The following PAX5 variants were observed in gnomAD, a reference collection of about 807,000 sequenced individuals.
The protein encoded by PAX5 is paired box 5.
In PAX5, 9 loss-of-function variants were observed where a neutral mutation model predicts 43.7. The observed-to-expected ratio is 0.21, with a 90% CI of 0.12 to 0.36. The LOEUF (loss-of-function observed/expected upper bound fraction) is 0.36, where lower values mean the gene tolerates loss of function less well. PAX5 is among the 10% of genes least tolerant of loss of function. The pLI is 1.00. For missense variants in PAX5, 383 were observed against 532.7 expected (o/e 0.72, Z 2.77); for synonymous variants, 228 against 214.3 (o/e 1.06, Z -0.56).
chr9:36,969,755 G>T (rs1012517142), intron 5 of PAX5, among the ~76,000 whole-genome samples: 4 of 152,132 alleles, frequency 2.6e-5, no homozygotes, highest in African/African-American at 9.7e-5. Flanking sequence ...GGCCGAGGTG[G>T]GTGGACTGCC....
intron 7 of PAX5, among the ~76,000 whole-genome samples, chr9:36,908,462 T>C (rs1360168424): frequency 1.3e-5 from 2 of 152,128 alleles, no homozygotes; most frequent in Non-Finnish European, 2.9e-5. Flanking sequence ...GCCTCCCCCA[T>C]CAGACTGTGA....
At chr9:36,858,395 C>T (rs1200051998) in intron 8 of PAX5, among the ~76,000 whole-genome samples, 9 of 152,174 alleles carry the variant, frequency 5.9e-5, no homozygotes, top group African/African-American at 2.2e-4. Flanking sequence ...CTACCCATCC[C>T]TTCCAGGTTC....
intron 2 of PAX5, among the ~76,000 whole-genome samples, chr9:37,016,177 T>G (rs1839368312): frequency 6.6e-6 from 1 of 152,222 alleles, no homozygotes. Flanking sequence ...CCTCTTGAAC[T>G]ACAATTTCCC....
intron 1 of PAX5, among the ~76,000 whole-genome samples, chr9:37,028,163 G>A (rs1486769883): frequency 6.6e-6 from 1 of 152,210 alleles, no homozygotes; most frequent in Non-Finnish European, 1.5e-5. Context: ...AGCGCAGTAG[G>A]GATCCTGTAC....
At chr9:36,957,941 A>G (rs1833629675) in intron 6 of PAX5, among the ~76,000 whole-genome samples, 1 of 152,144 alleles carries the variant, frequency 6.6e-6, no homozygotes, top group South Asian at 2.1e-4. Context: ...TTTCCACCTA[A>G]GGAGGACATT....
intron 1 of PAX5, among the ~76,000 whole-genome samples, chr9:37,030,217 G>C (rs1037641006): frequency 6.6e-6 from 1 of 152,204 alleles, no homozygotes; most frequent in African/African-American, 2.4e-5. Flanking sequence ...GTTCTTGGGG[G>C]AAGGAGTTTC....
intron 6 of PAX5, among the ~76,000 whole-genome samples, chr9:36,930,364 C>T (rs1376244330): frequency 2.6e-5 from 4 of 151,836 alleles, no homozygotes; most frequent in Non-Finnish European, 2.9e-5. Context: ...GCTGGGACTA[C>T]AGGCACACGC....
chr9:37,023,228 C>T (rs760057257), intron 1 of PAX5, among the ~76,000 whole-genome samples: 6 of 152,026 alleles, frequency 3.9e-5, no homozygotes, highest in South Asian at 4.1e-4. Context: ...AAAAGAAAGA[C>T]GAAGGTGGCA....
rs998210562 is a variant in PAX5 at position 36,836,892 on chromosome 9, T to A, written c.*3668A>T. The A allele has an allele frequency of 8.6e-6, 2 of 232,492 alleles. No homozygotes were observed. Among genetic ancestry groups the A allele is most frequent in the Non-Finnish European group, 1.7e-5 (2 of 117,640 alleles). The allele number at this position is 232,492 out of a possible 1,614,324, so 14.4% of individuals were successfully genotyped here. ...TTATGGCATGGCCTTGAATTGACTCTGATACCCTCTGAACCTCAGGGACAG... is the reference window on the plus strand; with the variant it reads ...TTATGGCATGGCCTTGAATTGACTCAGATACCCTCTGAACCTCAGGGACAG... On this transcript the variant is annotated 3_prime_UTR_variant, in exon 10 of 10. Coordinates refer to ENST00000358127, the MANE Select transcript of PAX5 (RefSeq NM_016734.3).
chr9:36,985,026 G>A (rs1455010303), intron 5 of PAX5, among the ~76,000 whole-genome samples: 1 of 152,230 alleles, frequency 6.6e-6, no homozygotes, highest in Admixed American at 6.5e-5. Flanking sequence ...AGGATACTGA[G>A]GCTCAGAGAG....
intron 7 of PAX5, among the ~76,000 whole-genome samples, chr9:36,883,252 A>C (rs1224017299): frequency 1.3e-5 from 2 of 152,316 alleles, no homozygotes; most frequent in Non-Finnish European, 2.9e-5. Flanking sequence ...GCTGTTACAC[A>C]TGCTTTAAAA....
At chr9:36,932,415 G>A (rs4878670) in intron 6 of PAX5, among the ~76,000 whole-genome samples, 137,864 of 152,312 alleles carry the variant, frequency 0.91, 62,518 homozygotes, top group East Asian at 1. Flanking sequence ...AGTGAAAAGG[G>A]GTGGAGTGCT....
chr9:36,855,742 A>G (rs962881893), intron 8 of PAX5, among the ~76,000 whole-genome samples: 12 of 152,168 alleles, frequency 7.9e-5, no homozygotes, highest in Non-Finnish European at 1.6e-4. Flanking sequence ...TACCCGCCAC[A>G]AGCCATATTC....
At chr9:36,999,398 C>G (rs7030819) in intron 5 of PAX5, among the ~76,000 whole-genome samples, 151,725 of 152,344 alleles carry the variant, frequency 1, 75,557 homozygotes, top group East Asian at 1. Context: ...CCACTGCCCT[C>G]CTCATCAGAG....
At chr9:36,896,843 C>T (rs1827912026) in intron 7 of PAX5, among the ~76,000 whole-genome samples, 1 of 152,206 alleles carries the variant, frequency 6.6e-6, no homozygotes, top group Non-Finnish European at 1.5e-5. Flanking sequence ...ACAGGGAACT[C>T]CATGTGGGGA....
At chr9:36,916,625 C>T (rs1011113433) in intron 7 of PAX5, among the ~76,000 whole-genome samples, 1 of 151,894 alleles carries the variant, frequency 6.6e-6, no homozygotes, top group Non-Finnish European at 1.5e-5. Flanking sequence ...TAAGTTTATT[C>T]CCAGGTGAGA....
rs2297105 is a variant in PAX5 at position 37,020,625 on chromosome 9, A to C, written c.212+11T>G. 693,707 of 1,612,756 alleles carry C rather than the reference A, an allele frequency of 0.43. 154,372 individuals are homozygous for C. Among genetic ancestry groups the C allele is most frequent in the African/African-American group, 0.61 (45,990 of 74,864 alleles). On this transcript the variant is annotated intron_variant, in intron 2 of 9. Coordinates refer to ENST00000358127, the MANE Select transcript of PAX5 (RefSeq NM_016734.3). ...GAAAGATCAAGGGAAGCCTCGAGCT[A>C]CTGCCTTTACCTGCCAAGAATTTTG...
chr9:36,848,802 C>T (rs1179290045), intron 8 of PAX5, among the ~76,000 whole-genome samples: 1 of 152,198 alleles, frequency 6.6e-6, no homozygotes, highest in African/African-American at 2.4e-5. Context: ...TCCCAGATCT[C>T]CAGCCCCACA....
At position 37,015,456 on chromosome 9, in the gene PAX5, T is replaced by C. The variant is rs1839304493; in HGVS notation, c.213-262A>G. Among the ~76,000 whole-genome samples, 1 of 152,224 alleles carries C rather than the reference T, an allele frequency of 6.6e-6. No individual in the cohort carries two copies. The highest frequency in any genetic ancestry group is 6.5e-5 in the Admixed American group (1 of 15,280). On this transcript the variant is annotated intron_variant, in intron 2 of 9. Coordinates refer to ENST00000358127, the MANE Select transcript of PAX5 (RefSeq NM_016734.3). This position sits in a 1 kb window ranked among gnomAD's most constrained non-coding sequence, Gnocchi z 4.4. ...CTCAATAATTTTGATATTAGTTGTATGTTGAAATAACAATTTTTATATATT... is the reference window on the plus strand; with the variant it reads ...CTCAATAATTTTGATATTAGTTGTACGTTGAAATAACAATTTTTATATATT...
Sources: gnomAD v4.1 joint callset for allele counts (sites outside exome capture counted in the v4.1 genomes callset) on GRCh38, gnomAD v4.1.1 for gene constraint, Gnocchi (gnomAD v3.1) non-coding constraint, MANE v1.5 for transcripts, NCBI Gene and HGNC (gene_info 2026-07-23, HGNC 2026-07-21) for gene names.